FBRSL1: variants seen among roughly 807,000 people sequenced by gnomAD.
FBRSL1 encodes fibrosin like 1.
In FBRSL1, 51 loss-of-function variants were observed where a neutral mutation model predicts 89.6. That is an observed-to-expected ratio of 0.57 (90% confidence interval 0.45 to 0.72). The LOEUF (loss-of-function observed/expected upper bound fraction) is 0.72. Ranked by LOEUF, FBRSL1 falls within the 30% of genes least tolerant of loss-of-function variation. FBRSL1 has a pLI of 0.00. For synonymous variants in FBRSL1, 779 were observed against 681.1 expected (o/e 1.14, Z -2.24); for missense variants, 1,618 against 1,451.8 (o/e 1.11, Z -1.86).
At chr12:132,510,755 C>A in intron 2 of FBRSL1, 1 of 1,186,032 alleles carries the variant, frequency 8.4e-7, no homozygotes, top group East Asian at 3.7e-5. Context: ...TGCCCCCACC[C>A]GCGTTGCTGC....
chr12:132,582,198 C>A lies in FBRSL1; in HGVS notation c.2133C>A (p.Asp711Glu), dbSNP rs1214095570. Residue 711 changes from aspartate (D) to glutamate (E), a missense_variant, in exon 18 of 19, where the codon GAC becomes GAA. Coordinates refer to ENST00000680143, the MANE Select transcript of FBRSL1 (RefSeq NM_001367871.1). ...CGCCCCCGTGGCCCAAGTCCGTGGACGCGGAGCGGGTGTCAGCCCTGACCA... is the reference window on the plus strand; with the variant it reads ...CGCCCCCGTGGCCCAAGTCCGTGGAAGCGGAGCGGGTGTCAGCCCTGACCA... ...PAPPPWPKSV[D>E]AERVSALTNH... is the part of the protein sequence containing the mutation. 7 of 1,550,074 alleles carry A rather than the reference C, an allele frequency of 4.5e-6. No homozygotes were observed. The highest frequency in any genetic ancestry group is 2.4e-5 in the South Asian group (2 of 84,058).
chr12:132,582,620 C>T (rs1337833523), intron 18 of FBRSL1, among the ~76,000 whole-genome samples: 1 of 152,032 alleles, frequency 6.6e-6, no homozygotes, highest in Non-Finnish European at 1.5e-5. Flanking sequence ...CACCTGCCAT[C>T]CGGGAGACCT....
intron 3 of FBRSL1, among the ~76,000 whole-genome samples, chr12:132,527,616 GGGGCTGCGGGGCAGGGTTGA>G (rs2035897964): frequency 6.7e-6 from 1 of 150,200 alleles, no homozygotes; most frequent in Non-Finnish European, 1.5e-5. Context: ...TGAGGGCTGC[GGGGCTGCGGGGCAGGGTTGA>G]GGGCTGCGGG....
intron 4 of FBRSL1, among the ~76,000 whole-genome samples, chr12:132,539,562 A>C (rs1433362734): frequency 3.6e-5 from 1 of 27,952 alleles, no homozygotes; most frequent in Non-Finnish European, 6.5e-5. Flanking sequence ...CCCGATGCCC[A>C]CCCAGTCCTG....
intron 5 of FBRSL1, among the ~76,000 whole-genome samples, chr12:132,564,013 T>C (rs950585893): frequency 3.3e-5 from 5 of 151,094 alleles, no homozygotes; most frequent in Admixed American, 1.3e-4. Context: ...CCTCGGCTGC[T>C]GTGGCTGGGG....
Position 132,576,849 on chromosome 12 carries a change from G to T in FBRSL1, c.1752G>T (p.Leu584=). 6.4e-7 allele frequency: 1 copy of T among 1,551,042 alleles called. No individual in the cohort carries two copies. Residue 584 remains leucine (L), a synonymous_variant, in exon 15 of 19, where the codon CTG becomes CTT. Transcript: ENST00000680143. The part of the protein sequence containing the change: ...HKLEVGAKLD[L]FGRPPAPGVF... ...TGGAGGTGGGTGCAAAGCTGGACCT[G>T]TTCGGCAGACCCCCTGCCCCGGGCG...
chr12:132,582,138 CCGACTG>C lies in FBRSL1; in HGVS notation c.2075_2080del (p.Arg692_Leu693del). ...TGCCCAGCCCCCATGAGGCCTGGAA[CCGACTG>C]CACCGGGCACCGCCCTCCTTCCCGG... On this transcript the variant is annotated inframe_deletion, in exon 18 of 19. Transcript: ENST00000680143. 1 of 1,550,006 alleles carries C rather than the reference CCGACTG, an allele frequency of 6.5e-7. No individual in the cohort carries two copies. The highest frequency in any genetic ancestry group is 8.7e-7 in the Non-Finnish European group (1 of 1,146,788).
intron 1 of FBRSL1, 28 bp downstream of exon 1, chr12:132,490,889 C>G (rs771579492): frequency 6.8e-6 from 9 of 1,322,606 alleles, no homozygotes; most frequent in Middle Eastern, 2.1e-4. Flanking sequence ...GCTTCGCAGG[C>G]GTTGAGGCGA....
At position 132,551,164 on chromosome 12, in the gene FBRSL1, TG is replaced by T. The variant is rs1254081904; in HGVS notation, c.645+3137del. 2.6e-5 allele frequency: 9 copies of T among 346,952 alleles called. 1 individual carries two copies. Among genetic ancestry groups the T allele is most frequent in the Non-Finnish European group, 3.5e-5 (6 of 173,774 alleles). The allele number at this position is 346,952 out of a possible 1,614,324, so 21.5% of individuals were successfully genotyped here. On this transcript the variant is annotated intron_variant, in intron 5 of 18. Transcript: ENST00000680143. ...AATTCCCGGCTCTGAGACAGGAACATGGGGGTGCTTCGCATCAGCAGTGCCC... is the reference window on the plus strand; with the variant it reads ...AATTCCCGGCTCTGAGACAGGAACATGGGGTGCTTCGCATCAGCAGTGCCC...
intron 5 of FBRSL1, among the ~76,000 whole-genome samples, chr12:132,548,906 C>T (rs905166485): frequency 7.9e-5 from 12 of 152,312 alleles, no homozygotes; most frequent in East Asian, 3.9e-4. Context: ...GCCAGGGAGA[C>T]GCTGCCCTGG....
In FBRSL1 at chr12:132,496,920, T is replaced by C. The variant is rs372573447; in HGVS notation, c.291+6059T>C. ...GCCCTGCTCACCCAGCTTGTGCCGC[T>C]GCCCCGCGCTTCCTTCCCAGGCCCT... On this transcript the variant is annotated intron_variant, in intron 1 of 18. Coordinates refer to ENST00000680143, the MANE Select transcript of FBRSL1 (RefSeq NM_001367871.1). Among the ~76,000 whole-genome samples the C allele has an allele frequency of 1.2e-4, 13 of 109,924 alleles. No individual in the cohort carries two copies. In the South Asian group the frequency reaches 2.5e-3, roughly 21 times the overall value. 72.1% of individuals were successfully genotyped at this position (109,924 alleles called of 152,430 possible).
At chr12:132,582,844 TG>T in intron 18 of FBRSL1, 126 bp from the exon 19 acceptor site, 1 of 687,290 alleles carries the variant, frequency 1.5e-6, no homozygotes, top group Non-Finnish European at 2.1e-6. Flanking sequence ...GCGGGAGCTG[TG>T]GGTGCTGAGG....
intron 4 of FBRSL1, among the ~76,000 whole-genome samples, chr12:132,536,827 C>G (rs897016491): frequency 6.6e-6 from 1 of 152,128 alleles, no homozygotes; most frequent in African/African-American, 2.4e-5. Flanking sequence ...GTACGTATAA[C>G]TGCATGTGCA....
intron 5 of FBRSL1, among the ~76,000 whole-genome samples, chr12:132,558,350 C>G (rs1211959644): frequency 6.6e-6 from 1 of 152,214 alleles, no homozygotes; most frequent in Non-Finnish European, 1.5e-5. Flanking sequence ...ACGCCAGCAG[C>G]ACGTCTGTTT....
chr12:132,527,876 G>A, intron 3 of FBRSL1, 77 bp from the exon 4 acceptor site: 1 of 1,397,842 alleles, frequency 7.2e-7, no homozygotes, highest in Non-Finnish European at 9.9e-7. Flanking sequence ...GAGGGCTGCA[G>A]GGCAGCTGTC....
intron 4 of FBRSL1, among the ~76,000 whole-genome samples, chr12:132,537,884 C>G (rs1008687247): frequency 6.6e-6 from 1 of 152,194 alleles, no homozygotes; most frequent in African/African-American, 2.4e-5. Context: ...AGCAGCTGAT[C>G]GGAGATCATC....
intron 15 of FBRSL1, among the ~76,000 whole-genome samples, chr12:132,577,539 C>T (rs1377497939): frequency 6.6e-6 from 1 of 152,088 alleles, no homozygotes; most frequent in Admixed American, 6.5e-5. Flanking sequence ...CAGGACTTGG[C>T]CTGTACTGTC....
At chr12:132,527,836 C>A in intron 3 of FBRSL1, 117 bp from the exon 4 acceptor site, 1 of 947,676 alleles carries the variant, frequency 1.1e-6, no homozygotes. Context: ...GGGCTGTGAG[C>A]TGCAGGGCTG....
In FBRSL1 at chr12:132,490,817, G is replaced by A. The variant is rs1284852354; in HGVS notation, c.247G>A (p.Asp83Asn). ...CAGCTCGCAGGAGGAGGAGGTCATCGACGGCTTCGCCATCGCCAGCTTCAG... is the reference window on the plus strand; with the variant it reads ...CAGCTCGCAGGAGGAGGAGGTCATCAACGGCTTCGCCATCGCCAGCTTCAG... Reference protein sequence around the residue: ...ESSSQEEEVIDGFAIASFSTL... With the variant: ...ESSSQEEEVINGFAIASFSTL... The change falls in exon 1 of 19, where the codon GAC becomes AAC. Residue 83 changes from aspartate to asparagine, a missense_variant. Coordinates refer to ENST00000680143, the MANE Select transcript of FBRSL1 (RefSeq NM_001367871.1). 1.4e-6 allele frequency: 2 copies of A among 1,406,184 alleles called. No individual in the cohort carries two copies. Among genetic ancestry groups the A allele is most frequent in the African/African-American group, 1.5e-5 (1 of 66,730 alleles). 87.1% of individuals were successfully genotyped at this position (1,406,184 alleles called of 1,614,324 possible).
Sources: gnomAD v4.1 joint callset for allele counts (sites outside exome capture counted in the v4.1 genomes callset) on GRCh38, gnomAD v4.1.1 for gene constraint, MANE v1.5 for transcripts, NCBI Gene and HGNC (gene_info 2026-07-23, HGNC 2026-07-21) for gene names.